Variants in CDK19 observed in about 807,000 individuals in gnomAD.
The protein encoded by CDK19 is cyclin-dependent kinase 19.
A neutral mutation model predicts 68.3 loss-of-function variants in CDK19; 20 were observed. The observed-to-expected ratio is 0.29, with a 90% CI of 0.21 to 0.43. The LOEUF (loss-of-function observed/expected upper bound fraction) is 0.43, where lower values mean the gene tolerates loss of function less well. Ranked by LOEUF, CDK19 falls within the 20% of genes least tolerant of loss-of-function variation. CDK19 has a pLI of 1.00. For synonymous variants in CDK19, 221 were observed against 222.8 expected, an observed-to-expected ratio of 0.99 and a Z score of 0.07; for missense variants, 339 against 623.5, an observed-to-expected ratio of 0.54 and a Z score of 4.86.
At chr6:110,641,640 GGAAA>G (rs1554195985) in intron 4 of CDK19, among the ~76,000 whole-genome samples, 10 of 131,394 alleles carry the variant, frequency 7.6e-5, no homozygotes, top group Non-Finnish European at 1.1e-4. Context: ...AGGAGGAAAG[GGAAA>G]GAAAGGAAGG....
chr6:110,797,302 T>C (rs1169424267), intron 1 of CDK19, among the ~76,000 whole-genome samples: 1 of 151,758 alleles, frequency 6.6e-6, no homozygotes, highest in African/African-American at 2.4e-5. Context: ...ATCGCGCCAC[T>C]GCACTCCAGC....
intron 1 of CDK19, among the ~76,000 whole-genome samples, chr6:110,758,202 C>A (rs1307654757): frequency 6.6e-6 from 1 of 151,298 alleles, no homozygotes; most frequent in Admixed American, 6.6e-5. Flanking sequence ...CACCTCCCCG[C>A]AACAAAAAGG....
intron 2 of CDK19, among the ~76,000 whole-genome samples, chr6:110,686,614 T>G (rs1772511083): frequency 6.6e-6 from 1 of 152,200 alleles, no homozygotes; most frequent in East Asian, 1.9e-4. Context: ...TAACAGTACA[T>G]GAACTGGTTT....
chr6:110,746,019 T>A, intron 2 of CDK19, 107 bp downstream of exon 2: 1 of 501,128 alleles, frequency 2.0e-6, no homozygotes, highest in South Asian at 3.8e-5. Flanking sequence ...TAAACTAACA[T>A]ATGTAAAATA....
rs545046458 is a variant in CDK19, at chr6:110,749,920, C to T, written c.129-3719G>A. On this transcript the variant is annotated intron_variant, in intron 1 of 12. Transcript: ENST00000368911. Reference sequence around the variant, plus strand: ...CAGAGTAGCTGGGACTACAGGTGCCCGCCACCACACCCAGATAATTTTTGT... The same window carrying T: ...CAGAGTAGCTGGGACTACAGGTGCCTGCCACCACACCCAGATAATTTTTGT... Among the ~76,000 whole-genome samples, 43 of 141,754 alleles carry T rather than the reference C, an allele frequency of 3.0e-4. 6 individuals carry two copies. The highest frequency in any genetic ancestry group is 9.5e-4 in the East Asian group (4 of 4,212). The allele number at this position is 141,754 out of a possible 152,430, so 93.0% of individuals were successfully genotyped here.
At chr6:110,685,701 G>C (rs1772418235) in intron 2 of CDK19, among the ~76,000 whole-genome samples, 1 of 152,136 alleles carries the variant, frequency 6.6e-6, no homozygotes, top group South Asian at 2.1e-4. Flanking sequence ...CGAAATTTTA[G>C]ATGGCTTCAA....
chr6:110,670,380 G>T, intron 3 of CDK19, 51 bp downstream of exon 3: 1 of 933,262 alleles, frequency 1.1e-6, no homozygotes, highest in Non-Finnish European at 1.8e-6. Flanking sequence ...ATATAAATAT[G>T]CTCCATACCT....
chr6:110,710,904 T>G (rs1358346678), intron 2 of CDK19, among the ~76,000 whole-genome samples: 4 of 152,186 alleles, frequency 2.6e-5, no homozygotes, highest in Non-Finnish European at 5.9e-5. Flanking sequence ...ATTTCTGCAT[T>G]AGATTCTTAT....
chr6:110,641,632 G>T (rs1456433033), intron 4 of CDK19, among the ~76,000 whole-genome samples: 1 of 106,980 alleles, frequency 9.3e-6, no homozygotes, highest in Non-Finnish European at 1.9e-5. Flanking sequence ...GAGAGGAAAG[G>T]AGGAAAGGGA....
chr6:110,731,370 C>T (rs1582972453), intron 2 of CDK19, among the ~76,000 whole-genome samples: 1 of 152,064 alleles, frequency 6.6e-6, no homozygotes, highest in Non-Finnish European at 1.5e-5. Flanking sequence ...AAAAAGAATA[C>T]TGGATAGGCA....
At chr6:110,624,200 C>A (rs1043583476) in intron 8 of CDK19, among the ~76,000 whole-genome samples, 4 of 151,836 alleles carry the variant, frequency 2.6e-5, no homozygotes, top group Admixed American at 2.0e-4. Flanking sequence ...GGATGATAAA[C>A]CCAAATGCAG....
At chr6:110,693,155 T>A (rs1052478786) in intron 2 of CDK19, among the ~76,000 whole-genome samples, 1 of 152,190 alleles carries the variant, frequency 6.6e-6, no homozygotes, top group African/African-American at 2.4e-5. Flanking sequence ...GTGTGGAGAC[T>A]CACACCGTGA....
chr6:110,655,429 T>G (rs1021630136), intron 4 of CDK19, among the ~76,000 whole-genome samples: 1 of 151,974 alleles, frequency 6.6e-6, no homozygotes, highest in Non-Finnish European at 1.5e-5. Context: ...AATCTATACC[T>G]CTAGGTCTCT....
chr6:110,632,725 C>T (rs1779517299), intron 5 of CDK19, among the ~76,000 whole-genome samples: 1 of 151,646 alleles, frequency 6.6e-6, no homozygotes, highest in South Asian at 2.1e-4. Flanking sequence ...AGTGAGACTC[C>T]ATCCCCTGTC....
chr6:110,739,152 C>T (rs1041611444), intron 2 of CDK19, among the ~76,000 whole-genome samples: 1 of 152,222 alleles, frequency 6.6e-6, no homozygotes, highest in African/African-American at 2.4e-5. Flanking sequence ...CCCTTGCCCT[C>T]CCAAATTCGT....
chr6:110,716,316 A>T (rs548513917), intron 2 of CDK19, among the ~76,000 whole-genome samples: 2 of 151,940 alleles, frequency 1.3e-5, no homozygotes, highest in East Asian at 1.9e-4. Flanking sequence ...TTCTATATAT[A>T]AAAAAAAGCA....
chr6:110,663,665 GA>G (rs1781748652), intron 4 of CDK19, among the ~76,000 whole-genome samples: 1 of 152,180 alleles, frequency 6.6e-6, no homozygotes, highest in Non-Finnish European at 1.5e-5. Context: ...CTCAGTAGCT[GA>G]AACTACAGGT....
intron 4 of CDK19, among the ~76,000 whole-genome samples, chr6:110,653,893 C>T (rs1781134953): frequency 6.6e-6 from 1 of 152,154 alleles, no homozygotes. Flanking sequence ...ATGAGTAGCA[C>T]AGCCTAAAGA....
At chr6:110,753,040 C>T (rs1310182234) in intron 1 of CDK19, among the ~76,000 whole-genome samples, 1 of 151,404 alleles carries the variant, frequency 6.6e-6, no homozygotes, top group African/African-American at 2.4e-5. Flanking sequence ...ATGATCCTCC[C>T]ACCTCAGCCT....
Sources: allele counts gnomAD v4.1 joint callset (sites outside exome capture counted in the v4.1 genomes callset), GRCh38; gene constraint gnomAD v4.1.1; transcripts MANE v1.5; gene names NCBI Gene and HGNC (gene_info 2026-07-23, HGNC 2026-07-21).